FNDC3B: variants seen among roughly 807,000 people sequenced by gnomAD.
The protein encoded by FNDC3B is fibronectin type III domain-containing protein 3B.
A neutral mutation model predicts 151.5 loss-of-function variants in FNDC3B; 12 were observed. The observed-to-expected ratio is 0.08, with a 90% CI of 0.05 to 0.13. FNDC3B has a LOEUF of 0.13. Among genes scored for constraint, FNDC3B ranks in the 10% least tolerant of loss-of-function variants. The pLI is 1.00. For synonymous variants in FNDC3B, 528 were observed against 549.0 expected, an observed-to-expected ratio of 0.96 and a Z score of 0.54; for missense variants, 1,214 against 1,505.3, an observed-to-expected ratio of 0.81 and a Z score of 3.20.
intron 22 of FNDC3B, among the ~76,000 whole-genome samples, chr3:172,355,518 G>A (rs377197448): frequency 3.9e-5 from 2 of 50,952 alleles, no homozygotes; most frequent in Non-Finnish European, 8.2e-5. Flanking sequence ...GAAAATCTAG[G>A]GGGGGGGCCT....
At chr3:172,349,657 T>C (rs939003979) in intron 21 of FNDC3B, among the ~76,000 whole-genome samples, 8 of 151,948 alleles carry the variant, frequency 5.3e-5, no homozygotes, top group Non-Finnish European at 1.2e-4. Flanking sequence ...TTTTCTTTTC[T>C]TTTTTTTCTT....
At position 172,149,317 on chromosome 3, in the gene FNDC3B, G is replaced by T. The variant is rs145533834; in HGVS notation, c.187+15771G>T. Among the ~76,000 whole-genome samples, 193 of 152,186 alleles carry T rather than the reference G, an allele frequency of 1.3e-3. 1 individual carries two copies. Among genetic ancestry groups the T allele is most frequent in the African/African-American group, 4.3e-3 (178 of 41,506 alleles). On this transcript the variant is annotated intron_variant, in intron 3 of 25. Transcript: ENST00000415807. ...TCCACTTTAAATGAAGACACCTAAC[G>T]GTTTGAAACCTTCTGGCTCTGAGAA...
chr3:172,151,170 T>C (rs888727362), intron 3 of FNDC3B, among the ~76,000 whole-genome samples: 1 of 152,332 alleles, frequency 6.6e-6, no homozygotes, highest in Non-Finnish European at 1.5e-5. Flanking sequence ...TGTGTGCATA[T>C]GTATGCATAT....
rs186263308 is a variant in FNDC3B, at chr3:172,216,385, G to T, written c.188-10486G>T. On this transcript the variant is annotated intron_variant, in intron 3 of 25. Transcript: ENST00000415807. ...AGTATTCATTTAAATAAGTTTAACT[G>T]GCTGGGCACAGTAACTCGCACCTGT... Among the ~76,000 whole-genome samples the T allele has an allele frequency of 3.2e-3, 492 of 152,300 alleles. 3 individuals carry two copies. Among genetic ancestry groups the T allele is most frequent in the Non-Finnish European group, 4.8e-3 (324 of 68,026 alleles).
Position 172,245,749 on chromosome 3 carries a change from G to T in FNDC3B, c.265-1784G>T, listed in dbSNP as rs554783378. Among the ~76,000 whole-genome samples the T allele has an allele frequency of 2.0e-5, 3 of 152,274 alleles. No homozygotes were observed. The South Asian group carries it at 6.2e-4, about 32-fold the overall frequency. The stretch of plus-strand genomic sequence containing the variant: ...CCATGCATTCATAAATGGGGTTAGT[G>T]TGATTAGCTTGCCAAGGCCCAGAAG... On this transcript the variant is annotated intron_variant, in intron 4 of 25. Transcript: ENST00000415807.
chr3:172,150,670 G>T (rs1486119359), intron 3 of FNDC3B, among the ~76,000 whole-genome samples: 1 of 151,758 alleles, frequency 6.6e-6, no homozygotes, highest in Non-Finnish European at 1.5e-5. Flanking sequence ...CCTTTTTCAG[G>T]AGATGTGAAA....
chr3:172,130,424 AT>A (rs1456870863), intron 2 of FNDC3B, among the ~76,000 whole-genome samples: 1 of 152,032 alleles, frequency 6.6e-6, no homozygotes, highest in East Asian at 1.9e-4. Context: ...TGAACTAAAC[AT>A]TTGAAGGGAG....
In FNDC3B at chr3:172,269,329, G is replaced by A. The variant is rs145466335; in HGVS notation, c.791-16597G>A. Among the ~76,000 whole-genome samples, 458 of 151,892 alleles carry A rather than the reference G, an allele frequency of 3.0e-3. 4 individuals are homozygous for A. Among genetic ancestry groups the A allele is most frequent in the African/African-American group, 0.011 (445 of 41,378 alleles). On this transcript the variant is annotated intron_variant, in intron 6 of 25. Transcript: ENST00000415807. The stretch of plus-strand genomic sequence containing the variant: ...GCTGATATGCAGTCGCATGATCATA[G>A]CTCACTGCAGCCTCAAACACTGCAT...
Position 172,286,041 on chromosome 3 carries a change from C to CTT in FNDC3B, c.849+69_849+70dup, listed in dbSNP as rs67373503. 8,117 of 1,066,886 alleles carry CTT rather than the reference C, an allele frequency of 7.6e-3. 374 individuals carry two copies. In the African/African-American group the frequency reaches 0.12, roughly 16 times the overall value. The allele number at this position is 1,066,886 out of a possible 1,614,324, so 66.1% of individuals were successfully genotyped here. ...CACTTTTTAAAGTATTTCAAATGTG[C>CTT]TTTTTTTTTTTTTCCACCACACAGT... On this transcript the variant is annotated intron_variant, in intron 7 of 25. Coordinates refer to ENST00000415807, the MANE Select transcript of FNDC3B (RefSeq NM_022763.4).
rs927514975 is a variant in FNDC3B, at chr3:172,126,316, T to C, written c.112-7155T>C. ...TGTCACATTTTTCCTTTGCTCTCTG[T>C]AGAGGCTAGTGTCAGTCTTGAATTT... On this transcript the variant is annotated intron_variant, in intron 2 of 25. Transcript: ENST00000415807. Among the ~76,000 whole-genome samples, 3 of 152,170 alleles carry C rather than the reference T, an allele frequency of 2.0e-5. No individual in the cohort carries two copies. The South Asian group carries it at 6.2e-4, about 32-fold the overall frequency.
intron 6 of FNDC3B, among the ~76,000 whole-genome samples, chr3:172,279,498 C>T (rs1206463130): frequency 6.6e-6 from 1 of 152,194 alleles, no homozygotes; most frequent in Admixed American, 6.5e-5. Flanking sequence ...CTTTCTTTTT[C>T]GGTGTTGAGA....
At chr3:172,281,320 A>G (rs1374503203) in intron 6 of FNDC3B, among the ~76,000 whole-genome samples, 1 of 151,958 alleles carries the variant, frequency 6.6e-6, no homozygotes, top group East Asian at 1.9e-4. Flanking sequence ...ATCTCAGCTC[A>G]CTGCAACCTC....
intron 9 of FNDC3B, among the ~76,000 whole-genome samples, chr3:172,299,328 CCTGTGATTTTCTGGAATCTCTA>C (rs1437715312): frequency 6.6e-6 from 1 of 152,144 alleles, no homozygotes; most frequent in African/African-American, 2.4e-5. Context: ...TGAAATCTCT[CCTGTGATTTTCTGGAATCTCTA>C]CTGTGACTAC....
chr3:172,354,644 A>G (rs868290299), intron 22 of FNDC3B, among the ~76,000 whole-genome samples: 10 of 152,084 alleles, frequency 6.6e-5, no homozygotes, highest in South Asian at 4.1e-4. Context: ...TTATGTTTCA[A>G]AAACATAATT....
intron 4 of FNDC3B, among the ~76,000 whole-genome samples, chr3:172,230,929 A>G (rs909402740): frequency 1.1e-4 from 16 of 152,236 alleles, no homozygotes; most frequent in Non-Finnish European, 1.9e-4. Flanking sequence ...AGGGAGTTGC[A>G]TATGACCCAA....
At chr3:172,263,037 A>G (rs1178955209) in intron 6 of FNDC3B, among the ~76,000 whole-genome samples, 1 of 150,770 alleles carries the variant, frequency 6.6e-6, no homozygotes, top group Non-Finnish European at 1.5e-5. Flanking sequence ...AAGTCCTCTT[A>G]AAACCAAATT....
At chr3:172,345,817 A>G (rs982903707) in intron 19 of FNDC3B, 1 of 152,340 alleles carries the variant, frequency 6.6e-6, no homozygotes, top group Non-Finnish European at 1.5e-5. Context: ...ATACCCTTGA[A>G]TAGGTGAGGT....
chr3:172,228,526 G>A (rs1726709708), intron 4 of FNDC3B, among the ~76,000 whole-genome samples: 1 of 152,090 alleles, frequency 6.6e-6, no homozygotes, highest in Admixed American at 6.5e-5. Context: ...AATATTTATT[G>A]CATGTACTAG....
chr3:172,112,540 G>T lies in FNDC3B; in HGVS notation c.61G>T (p.Gly21Ter). Reference sequence around the variant, plus strand: ...TCTGGAACTGCCACCATTGCTGAACGGAGAGGTAGCCATGATGCCCCACTT... The same window carrying T: ...TCTGGAACTGCCACCATTGCTGAACTGAGAGGTAGCCATGATGCCCCACTT... ...IPLELPPLLNGEVAMMPHLVN... is the reference protein window; with the variant it reads ...IPLELPPLLN The change falls in exon 2 of 26, where the codon GGA becomes TGA. Residue 21 changes from glycine to a stop codon, truncating the protein, a stop_gained. Transcript: ENST00000415807. LOFTEE classifies it high-confidence loss of function. 1 of 1,614,146 alleles carries T rather than the reference G, an allele frequency of 6.2e-7. No individual in the cohort carries two copies. Among genetic ancestry groups the T allele is most frequent in the Non-Finnish European group, 8.5e-7 (1 of 1,179,984 alleles).
Sources: gnomAD v4.1 joint callset for allele counts (sites outside exome capture counted in the v4.1 genomes callset) on GRCh38, gnomAD v4.1.1 for gene constraint, MANE v1.5 for transcripts, NCBI Gene and HGNC (gene_info 2026-07-23, HGNC 2026-07-21) for gene names.